DPP10: variants seen among roughly 807,000 people sequenced by gnomAD.
DPP10 encodes dipeptidyl peptidase like 10, also known as inactive dipeptidyl peptidase 10.
Under a neutral mutation model 120.9 loss-of-function variants are expected in DPP10, and 33 were observed. The ratio of observed to expected loss-of-function variants is 0.27; its 90% confidence interval spans 0.21 to 0.37. The LOEUF (loss-of-function observed/expected upper bound fraction) is 0.37, where lower values mean the gene tolerates loss of function less well. Ranked by LOEUF, DPP10 falls within the 10% of genes least tolerant of loss-of-function variation. The pLI is 1.00. For synonymous variants in DPP10, 337 were observed against 326.1 expected (o/e 1.03, Z -0.36); for missense variants, 816 against 942.8 (o/e 0.87, Z 1.76).
At chr2:114,825,569 C>T (rs1686452501) in intron 1 of DPP10, among the ~76,000 whole-genome samples, 1 of 152,140 alleles carries the variant, frequency 6.6e-6, no homozygotes, top group African/African-American at 2.4e-5. Flanking sequence ...GAATTACTTT[C>T]TTATCAGCTT....
Position 115,815,857 on chromosome 2 carries a change from A to G in DPP10, c.1950+128A>G, listed in dbSNP as rs567411921. On this transcript the variant is annotated intron_variant, in intron 21 of 25. Transcript: ENST00000410059. ...TATTGACTGGGATTCCATACTTATT[A>G]ACATGGAAAACCTCACTGTAGCAAG... 125 of 928,772 alleles carry G rather than the reference A, an allele frequency of 1.3e-4. 1 individual carries two copies. The highest frequency in any genetic ancestry group is 1.9e-4 in the Non-Finnish European group (114 of 596,252). 57.5% of individuals were successfully genotyped at this position (928,772 alleles called of 1,614,324 possible).
At chr2:114,624,860 C>T (rs1032315217) in intron 1 of DPP10, among the ~76,000 whole-genome samples, 2 of 151,910 alleles carry the variant, frequency 1.3e-5, no homozygotes, top group African/African-American at 4.8e-5. Flanking sequence ...CAGCCATCAA[C>T]TCACACCAAC....
chr2:115,700,923 G>A (rs961113166), intron 7 of DPP10, among the ~76,000 whole-genome samples: 6 of 151,962 alleles, frequency 3.9e-5, no homozygotes, highest in Admixed American at 3.9e-4. Context: ...TAAAAAATAT[G>A]TCTGAAAAAA....
intron 1 of DPP10, among the ~76,000 whole-genome samples, chr2:115,150,697 G>T (rs752587785): frequency 6.6e-6 from 1 of 152,144 alleles, no homozygotes; most frequent in Non-Finnish European, 1.5e-5. Context: ...TCCAGTTCTG[G>T]AATGTTCGCA....
chr2:115,694,092 A>ATATT (rs2149510800), intron 7 of DPP10, among the ~76,000 whole-genome samples: 1 of 152,276 alleles, frequency 6.6e-6, no homozygotes, highest in South Asian at 2.1e-4. Context: ...GAGAAATTTC[A>ATATT]TATTTATCTA....
intron 5 of DPP10, among the ~76,000 whole-genome samples, chr2:115,600,681 G>A (rs545369188): frequency 9.8e-5 from 15 of 152,350 alleles, no homozygotes; most frequent in Non-Finnish European, 2.1e-4. Context: ...ATTTGTAAGA[G>A]ATGGCACCTT....
At chr2:115,579,061 T>C (rs2081859508) in intron 5 of DPP10, 1 of 152,212 alleles carries the variant, frequency 6.6e-6, no homozygotes, top group Non-Finnish European at 1.5e-5. Flanking sequence ...TTTATAAATG[T>C]TAACTTATTT....
At chr2:115,175,952 A>T (rs2053657375) in intron 1 of DPP10, among the ~76,000 whole-genome samples, 1 of 152,198 alleles carries the variant, frequency 6.6e-6, no homozygotes, top group African/African-American at 2.4e-5. Flanking sequence ...TAGTCCAGTG[A>T]ATGTGAGCTG....
At chr2:115,472,403 AAAG>A (rs2074789338) in intron 3 of DPP10, among the ~76,000 whole-genome samples, 1 of 152,206 alleles carries the variant, frequency 6.6e-6, no homozygotes, top group African/African-American at 2.4e-5. Flanking sequence ...ACAAAAGCAG[AAAG>A]AAACAGGTGA....
chr2:115,088,097 G>A (rs557453868), intron 1 of DPP10, among the ~76,000 whole-genome samples: 3 of 152,218 alleles, frequency 2.0e-5, no homozygotes, highest in South Asian at 2.1e-4. Flanking sequence ...GTCCTCACAC[G>A]GTGGAAGGAG....
intron 1 of DPP10, among the ~76,000 whole-genome samples, chr2:114,776,717 T>A (rs1681779277): frequency 6.6e-6 from 1 of 152,170 alleles, no homozygotes; most frequent in South Asian, 2.1e-4. Flanking sequence ...ATTAGAGTAA[T>A]TTTTAAAGTC....
chr2:114,583,095 A>G (rs1008619511), intron 1 of DPP10, among the ~76,000 whole-genome samples: 2 of 152,204 alleles, frequency 1.3e-5, no homozygotes, highest in African/African-American at 4.8e-5. Context: ...ACAGTTTGTT[A>G]GGCTCTCTTC....
chr2:115,409,460 G>A (rs551214663), intron 3 of DPP10, among the ~76,000 whole-genome samples: 5 of 152,190 alleles, frequency 3.3e-5, no homozygotes, highest in South Asian at 2.1e-4. Context: ...AACCACATGC[G>A]ATACCAACTT....
chr2:114,491,304 T>C (rs1353877401), intron 1 of DPP10, among the ~76,000 whole-genome samples: 1 of 152,216 alleles, frequency 6.6e-6, no homozygotes, highest in Non-Finnish European at 1.5e-5. Context: ...ATTCATAACA[T>C]AATCTTTGGA....
intron 1 of DPP10, among the ~76,000 whole-genome samples, chr2:114,453,335 G>T (rs1678389403): frequency 6.6e-6 from 1 of 152,148 alleles, no homozygotes; most frequent in African/African-American, 2.4e-5. Context: ...CAGGTAGAAA[G>T]AAGTCTCGTC....
At chr2:114,822,116 G>A (rs1019679510) in intron 1 of DPP10, among the ~76,000 whole-genome samples, 3 of 152,042 alleles carry the variant, frequency 2.0e-5, no homozygotes, top group Non-Finnish European at 2.9e-5. Context: ...CCTAGCAGAG[G>A]TTCTCCATGA....
intron 1 of DPP10, among the ~76,000 whole-genome samples, chr2:115,034,433 C>T (rs1333189836): frequency 2.6e-5 from 4 of 152,112 alleles, no homozygotes; most frequent in Non-Finnish European, 4.4e-5. Context: ...GCATGGGATT[C>T]GTATTACAAA....
chr2:115,022,234 C>A (rs1214188921), intron 1 of DPP10, among the ~76,000 whole-genome samples: 1 of 152,008 alleles, frequency 6.6e-6, no homozygotes, highest in Non-Finnish European at 1.5e-5. Flanking sequence ...TTGCTGTTTG[C>A]TGATGATATG....
intron 3 of DPP10, among the ~76,000 whole-genome samples, chr2:115,422,526 A>G (rs535297798): frequency 6.6e-6 from 1 of 152,322 alleles, no homozygotes; most frequent in Admixed American, 6.5e-5. Context: ...TGAAATTGCA[A>G]ATGATGAAAG....
Sources: allele counts gnomAD v4.1 joint callset (sites outside exome capture counted in the v4.1 genomes callset), GRCh38; gene constraint gnomAD v4.1.1; transcripts MANE v1.5; gene names NCBI Gene and HGNC (gene_info 2026-07-23, HGNC 2026-07-21).